The following PRKCA variants were observed in gnomAD, a reference collection of about 807,000 sequenced individuals.
The protein encoded by PRKCA is protein kinase C alpha.
Under a neutral mutation model 87.0 loss-of-function variants are expected in PRKCA, and 27 were observed. The ratio of observed to expected loss-of-function variants is 0.31; its 90% CI spans 0.23 to 0.43. The LOEUF (loss-of-function observed/expected upper bound fraction) is 0.43, where lower values mean the gene tolerates loss of function less well. Among genes scored for constraint, PRKCA ranks in the 20% least tolerant of loss-of-function variants. The pLI is 1.00. For missense variants in PRKCA, 518 were observed against 852.3 expected (o/e 0.61, Z 4.88); for synonymous variants, 329 against 311.1 (o/e 1.06, Z -0.61).
chr17:66,467,732 A>G (rs531802921), intron 2 of PRKCA, among the ~76,000 whole-genome samples: 1 of 151,982 alleles, frequency 6.6e-6, no homozygotes, highest in Admixed American at 6.6e-5. Context: ...TAATTTTTTA[A>G]TTTTTTGTGG....
chr17:66,609,691 A>C (rs1170299147), intron 3 of PRKCA, among the ~76,000 whole-genome samples: 1 of 152,170 alleles, frequency 6.6e-6, no homozygotes, highest in Non-Finnish European at 1.5e-5. Context: ...GGAACGGGGA[A>C]AAAAAGGGAA....
At chr17:66,437,437 G>A (rs1913456244) in intron 2 of PRKCA, among the ~76,000 whole-genome samples, 1 of 152,136 alleles carries the variant, frequency 6.6e-6, no homozygotes, top group South Asian at 2.1e-4. Context: ...CTGCTTCTAA[G>A]CATTGGGAAA....
intron 3 of PRKCA, among the ~76,000 whole-genome samples, chr17:66,545,455 C>T (rs1482254252): frequency 2.6e-5 from 4 of 152,172 alleles, no homozygotes; most frequent in East Asian, 1.9e-4. Flanking sequence ...TATCTACATA[C>T]TGTATGACTT....
At chr17:66,373,081 G>GTTTTACACACTCCTTCTCAAA (rs1909210588) in intron 2 of PRKCA, among the ~76,000 whole-genome samples, 1 of 152,032 alleles carries the variant, frequency 6.6e-6, no homozygotes, top group Admixed American at 6.6e-5. Context: ...AACAAAGGGA[G>GTTTTACACACTCCTTCTCAAA]AGAGATTGAT....
At position 66,410,014 on chromosome 17, in the gene PRKCA, T is replaced by C. The variant is rs983878214; in HGVS notation, c.206-86187T>C. Among the ~76,000 whole-genome samples the C allele has an allele frequency of 2.6e-5, 4 of 152,236 alleles. No homozygotes were observed. The East Asian group carries it at 5.8e-4, about 22-fold the overall frequency. On this transcript the variant is annotated intron_variant, in intron 2 of 16. Transcript: ENST00000413366. ...TACTTTGTTCACTCGTTCGTTTGTG[T>C]GTTCATTCCTTTGTTCAATAAACAA...
chr17:66,659,350 A>G (rs1159324488), intron 5 of PRKCA, among the ~76,000 whole-genome samples: 3 of 151,888 alleles, frequency 2.0e-5, no homozygotes, highest in Non-Finnish European at 4.4e-5. Flanking sequence ...ATTGAAGGGA[A>G]GAAAATAGGG....
chr17:66,764,985 A>G (rs1449259741), intron 13 of PRKCA, among the ~76,000 whole-genome samples: 1 of 152,248 alleles, frequency 6.6e-6, no homozygotes, highest in Non-Finnish European at 1.5e-5. Flanking sequence ...AGAATGGGCC[A>G]TAGGAGCCGG....
At chr17:66,338,470 G>A (rs188217812) in intron 2 of PRKCA, among the ~76,000 whole-genome samples, 2 of 152,224 alleles carry the variant, frequency 1.3e-5, no homozygotes, top group African/African-American at 4.8e-5. Context: ...GGGAACATCT[G>A]TTAGGGCTGT....
intron 15 of PRKCA, chr17:66,787,263 C>T: frequency 1.9e-6 from 1 of 533,610 alleles, no homozygotes; most frequent in East Asian, 4.6e-5. Context: ...TTTAGTTCCT[C>T]CTTTCATATT....
chr17:66,755,344 T>C (rs1974523422), intron 13 of PRKCA, among the ~76,000 whole-genome samples: 1 of 152,178 alleles, frequency 6.6e-6, no homozygotes, highest in Non-Finnish European at 1.5e-5. Flanking sequence ...TTCAGAGTTT[T>C]ATTTATGGCT....
chr17:66,613,482 G>A (rs1265922673), intron 3 of PRKCA, among the ~76,000 whole-genome samples: 3 of 152,212 alleles, frequency 2.0e-5, no homozygotes, highest in East Asian at 3.9e-4. Context: ...TTAAAACAAC[G>A]GAAATTTATT....
chr17:66,765,418 C>CTATATATACATATA (rs1555646686), intron 13 of PRKCA, among the ~76,000 whole-genome samples: 7 of 49,310 alleles, frequency 1.4e-4, no homozygotes, highest in Non-Finnish European at 2.7e-4. Context: ...AAGACTTTGT[C>CTATATATACATATA]TATATATATA....
intron 5 of PRKCA, among the ~76,000 whole-genome samples, chr17:66,673,244 C>T (rs1972241096): frequency 1.3e-5 from 2 of 152,178 alleles, no homozygotes; most frequent in South Asian, 4.1e-4. Flanking sequence ...CATCTTATAC[C>T]ACAGTCCTCC....
intron 2 of PRKCA, among the ~76,000 whole-genome samples, chr17:66,492,545 T>A (rs903581850): frequency 2.6e-5 from 4 of 152,138 alleles, no homozygotes; most frequent in African/African-American, 9.7e-5. Flanking sequence ...GTTTGAACGA[T>A]TAAGTAGGGA....
At chr17:66,628,258 G>A (rs1447988594) in intron 3 of PRKCA, among the ~76,000 whole-genome samples, 2 of 151,990 alleles carry the variant, frequency 1.3e-5, no homozygotes, top group Non-Finnish European at 2.9e-5. Context: ...CTTGGGAACT[G>A]ATAAGACACT....
At chr17:66,503,194 G>T (rs1027730878) in intron 3 of PRKCA, among the ~76,000 whole-genome samples, 2 of 152,128 alleles carry the variant, frequency 1.3e-5, no homozygotes, top group Non-Finnish European at 2.9e-5. Context: ...CGTTTTTGTT[G>T]AGCCATTATG....
At chr17:66,542,423 G>A (rs1598753572) in intron 3 of PRKCA, among the ~76,000 whole-genome samples, 1 of 152,108 alleles carries the variant, frequency 6.6e-6, no homozygotes, top group African/African-American at 2.4e-5. Flanking sequence ...TCGCACATGA[G>A]AGTACCAGGT....
intron 2 of PRKCA, among the ~76,000 whole-genome samples, chr17:66,462,816 C>T (rs2143972998): frequency 6.6e-6 from 1 of 152,200 alleles, no homozygotes; most frequent in South Asian, 2.1e-4. Flanking sequence ...GAATAAGAAT[C>T]TCTTATTAAA....
chr17:66,687,346 AG>A, intron 6 of PRKCA, 79 bp downstream of exon 6: 1 of 1,456,110 alleles, frequency 6.9e-7, no homozygotes, highest in Non-Finnish European at 9.4e-7. Context: ...GTAATGAAGT[AG>A]GTTCATTATA....
Sources: allele counts gnomAD v4.1 joint callset (sites outside exome capture counted in the v4.1 genomes callset), GRCh38; gene constraint gnomAD v4.1.1; transcripts MANE v1.5; gene names NCBI Gene and HGNC (gene_info 2026-07-23, HGNC 2026-07-21).